Variants in VSTM4 observed in about 807,000 individuals in gnomAD.
The protein encoded by VSTM4 is V-set and transmembrane domain containing 4.
A neutral mutation model predicts 36.4 loss-of-function variants in VSTM4; 20 were observed. The ratio of observed to expected loss-of-function variants is 0.55; its 90% confidence interval spans 0.39 to 0.80. VSTM4 has a LOEUF of 0.80. Among genes scored for constraint, VSTM4 ranks in the 30% least tolerant of loss-of-function variants. The pLI, the probability that VSTM4 is intolerant of heterozygous loss-of-function variation, is 0.00. For synonymous variants in VSTM4, 182 were observed against 173.9 expected, an observed-to-expected ratio of 1.05 and a Z score of -0.37; for missense variants, 392 against 404.5, an observed-to-expected ratio of 0.97 and a Z score of 0.26.
rs945630993 is a variant in VSTM4, at chr10:49,014,951, C to T, written c.*4699G>A. On this transcript the variant is annotated 3_prime_UTR_variant, in exon 8 of 8. Coordinates refer to ENST00000332853, the MANE Select transcript of VSTM4 (RefSeq NM_001031746.5). ...CAGGGCTTTGGCTGTGACCTATGCC[C>T]TGAGGACACCCCCTTTCCCGCAATG... 2 of 152,356 alleles carry T rather than the reference C, an allele frequency of 1.3e-5. No individual in the cohort carries two copies. Among genetic ancestry groups the T allele is most frequent in the African/African-American group, 2.4e-5 (1 of 41,416 alleles). 9.4% of individuals were successfully genotyped at this position (152,356 alleles called of 1,614,324 possible).
At chr10:49,069,158 C>A (rs888184830) in intron 4 of VSTM4, among the ~76,000 whole-genome samples, 5 of 152,168 alleles carry the variant, frequency 3.3e-5, no homozygotes, top group African/African-American at 4.8e-5. Context: ...CCACTGCCAC[C>A]CCAAGCTGGG....
intron 4 of VSTM4, among the ~76,000 whole-genome samples, chr10:49,065,711 C>A (rs1019807064): frequency 1.3e-5 from 2 of 152,144 alleles, no homozygotes; most frequent in East Asian, 3.9e-4. Context: ...CAGCTGAGAC[C>A]AGCAGAAGAA....
At chr10:49,077,672 A>G (rs996036932) in intron 3 of VSTM4, among the ~76,000 whole-genome samples, 25 of 152,204 alleles carry the variant, frequency 1.6e-4, no homozygotes, top group Admixed American at 5.2e-4. Context: ...CTCAAAATGA[A>G]CCACAAACCT....
Position 49,047,063 on chromosome 10 carries a change from G to C in VSTM4, c.776-19C>G, listed in dbSNP as rs1189581396. On this transcript the variant is annotated intron_variant, in intron 6 of 7. Coordinates refer to ENST00000332853, the MANE Select transcript of VSTM4 (RefSeq NM_001031746.5). ...ATCGGAGCTGTGGAAGTAGGTCAAG[G>C]GTTTAGCTTGCAGTTCCTCCCAGAA... 1 of 1,613,654 alleles carries C rather than the reference G, an allele frequency of 6.2e-7. No individual in the cohort carries two copies. Among genetic ancestry groups the C allele is most frequent in the East Asian group, 2.2e-5 (1 of 44,868 alleles).
chr10:49,078,466 A>C (rs1844219044), intron 3 of VSTM4, among the ~76,000 whole-genome samples: 1 of 151,250 alleles, frequency 6.6e-6, no homozygotes, highest in Non-Finnish European at 1.5e-5. Context: ...AAATAAAAAG[A>C]ACAAACTATC....
intron 5 of VSTM4, among the ~76,000 whole-genome samples, chr10:49,051,741 G>A (rs1347811386): frequency 6.6e-6 from 1 of 152,128 alleles, no homozygotes; most frequent in East Asian, 1.9e-4. Context: ...CTGTCATCTG[G>A]ATGTACCACA....
chr10:49,098,136 C>T lies in VSTM4; in HGVS notation c.457+9458G>A, dbSNP rs189461860. Among the ~76,000 whole-genome samples, 390 of 152,250 alleles carry T rather than the reference C, an allele frequency of 2.6e-3. 1 individual carries two copies. Among genetic ancestry groups the T allele is most frequent in the Middle Eastern group, 6.8e-3 (2 of 294 alleles). On this transcript the variant is annotated intron_variant, in intron 2 of 7. Transcript: ENST00000332853. Reference sequence around the variant, plus strand: ...CATCCCAACCCCCCTGCTTATGCTCCCTCAATTCTCATCCCGTTTTCCTTG... The same window carrying T: ...CATCCCAACCCCCCTGCTTATGCTCTCTCAATTCTCATCCCGTTTTCCTTG...
intron 2 of VSTM4, among the ~76,000 whole-genome samples, chr10:49,093,957 C>T (rs968004357): frequency 6.6e-6 from 1 of 151,992 alleles, no homozygotes; most frequent in African/African-American, 2.4e-5. Flanking sequence ...CCATGTTAGC[C>T]AGGATAGTCT....
chr10:49,088,822 C>T (rs1358759731), intron 2 of VSTM4, among the ~76,000 whole-genome samples: 1 of 152,210 alleles, frequency 6.6e-6, no homozygotes, highest in Non-Finnish European at 1.5e-5. Flanking sequence ...CGGAGATGAA[C>T]AATACACATA....
At chr10:49,029,573 A>G (rs990742626) in intron 7 of VSTM4, among the ~76,000 whole-genome samples, 6 of 152,208 alleles carry the variant, frequency 3.9e-5, no homozygotes, top group Non-Finnish European at 8.8e-5. Context: ...AGGCATCGCA[A>G]ATGCATGCTC....
chr10:49,030,290 G>A (rs867087366), intron 7 of VSTM4, among the ~76,000 whole-genome samples: 8 of 152,312 alleles, frequency 5.3e-5, no homozygotes, highest in Middle Eastern at 6.8e-3. Context: ...ACTCAGATGT[G>A]AGGGCTGGAA....
chr10:49,028,518 C>A (rs1843296889), intron 7 of VSTM4, among the ~76,000 whole-genome samples: 1 of 152,194 alleles, frequency 6.6e-6, no homozygotes, highest in Admixed American at 6.5e-5. Flanking sequence ...AGAGAAAAGT[C>A]AACCTCAAGG....
intron 4 of VSTM4, among the ~76,000 whole-genome samples, chr10:49,072,565 C>T (rs1203905929): frequency 2.0e-5 from 3 of 152,166 alleles, no homozygotes; most frequent in South Asian, 2.1e-4. Context: ...CCACACATTC[C>T]TCATCACTCT....
At chr10:49,105,960 G>A (rs1844775130) in intron 2 of VSTM4, among the ~76,000 whole-genome samples, 1 of 152,060 alleles carries the variant, frequency 6.6e-6, no homozygotes, top group African/African-American at 2.4e-5. Flanking sequence ...CCCAGCCCTT[G>A]ATGATCTGAT....
At chr10:49,036,311 A>G (rs1344804770) in intron 7 of VSTM4, among the ~76,000 whole-genome samples, 1 of 152,172 alleles carries the variant, frequency 6.6e-6, no homozygotes, top group Non-Finnish European at 1.5e-5. Context: ...TAGAAATTTT[A>G]TCTCTGCAAA....
intron 7 of VSTM4, among the ~76,000 whole-genome samples, chr10:49,037,785 A>T (rs1168130032): frequency 6.6e-6 from 1 of 152,160 alleles, no homozygotes; most frequent in Non-Finnish European, 1.5e-5. Flanking sequence ...CTCTTTTTTT[A>T]AAAATGGTCA....
chr10:49,044,125 C>T (rs1048522636), intron 7 of VSTM4, among the ~76,000 whole-genome samples: 7 of 152,050 alleles, frequency 4.6e-5, no homozygotes, highest in African/African-American at 1.4e-4. Flanking sequence ...GCCATGAGCT[C>T]GAAACCAACC....
At chr10:49,058,628 G>A (rs145550274) in intron 5 of VSTM4, among the ~76,000 whole-genome samples, 120 of 152,178 alleles carry the variant, frequency 7.9e-4, no homozygotes, top group Admixed American at 1.6e-3. Context: ...ACAACCTCAG[G>A]GACAATAAAC....
intron 2 of VSTM4, among the ~76,000 whole-genome samples, chr10:49,104,932 C>T (rs1430664477): frequency 7.1e-6 from 1 of 140,254 alleles, no homozygotes; most frequent in Non-Finnish European, 1.5e-5. Context: ...GACAGAGAAA[C>T]AGTGAGAGAA....
Sources: gnomAD v4.1 joint callset for allele counts (sites outside exome capture counted in the v4.1 genomes callset) on GRCh38, gnomAD v4.1.1 for gene constraint, MANE v1.5 for transcripts, NCBI Gene and HGNC (gene_info 2026-07-23, HGNC 2026-07-21) for gene names.